Variants in MFHAS1 observed in about 807,000 individuals in gnomAD.
The protein encoded by MFHAS1 is multifunctional ROCO family signaling regulator 1.
MFHAS1 carries 50 observed loss-of-function variants against 70.4 expected under a neutral mutation model. The observed-to-expected ratio is 0.71, with a 90% CI of 0.57 to 0.90. The LOEUF (loss-of-function observed/expected upper bound fraction) is 0.90. Ranked by LOEUF, MFHAS1 falls within the 40% of genes least tolerant of loss-of-function variation. MFHAS1 has a pLI of 0.00. For missense variants in MFHAS1, 1,795 were observed against 1,347.6 expected (o/e 1.33, Z -5.20); for synonymous variants, 952 against 620.0 (o/e 1.54, Z -7.96).
Position 8,893,611 on chromosome 8 carries a change from G to A in MFHAS1, c.-553C>T, listed in dbSNP as rs1179041178. 7.5e-5 allele frequency: 11 copies of A among 146,760 alleles called. No individual in the cohort carries two copies. In the South Asian group the frequency reaches 1.9e-3, roughly 25 times the overall value. 9.1% of individuals were successfully genotyped at this position (146,760 alleles called of 1,614,324 possible). On this transcript the variant is annotated 5_prime_UTR_variant, in exon 1 of 3. Coordinates refer to ENST00000276282, the MANE Select transcript of MFHAS1 (RefSeq NM_004225.3). ...GGGCGCCGCGTCCCCGGCGCTGGGA[G>A]GGCGCGATTGGGAAGCGGCAGCGCC...
At chr8:8,843,092 G>C (rs7017006) in intron 1 of MFHAS1, among the ~76,000 whole-genome samples, 39,297 of 149,492 alleles carry the variant, frequency 0.26, 6,229 homozygotes, top group African/African-American at 0.46. Flanking sequence ...GGTGAAACCC[G>C]GTCTCTACTA....
chr8:8,861,794 C>G (rs1315168798), intron 1 of MFHAS1, among the ~76,000 whole-genome samples: 1 of 152,194 alleles, frequency 6.6e-6, no homozygotes, highest in African/African-American at 2.4e-5. Context: ...TTTGCCTTTT[C>G]TAGAACTTCA....
In MFHAS1 at chr8:8,835,228, A is replaced by T. The variant is rs1454446942; in HGVS notation, c.2999-37737T>A. Among the ~76,000 whole-genome samples the T allele has an allele frequency of 2.0e-5, 3 of 152,314 alleles. No homozygotes were observed. In the East Asian group the frequency reaches 5.8e-4, roughly 29 times the overall value. On this transcript the variant is annotated intron_variant, in intron 1 of 2. Transcript: ENST00000276282. ...CTTGATTGGGAGTGAATGCATGTCA[A>T]AACCCATAGAATCTATCACACACTT...
At position 8,891,327 on chromosome 8, in the gene MFHAS1, C is replaced by A. The variant is rs775924626; in HGVS notation, c.1732G>T (p.Glu578Ter). ...AGCTCGAAGTCCCGGGCCAGTGCCTCGTCCACCACCTTGGCCAAGCGGCTC... is the reference window on the plus strand; with the variant it reads ...AGCTCGAAGTCCCGGGCCAGTGCCTAGTCCACCACCTTGGCCAAGCGGCTC... ...GLSRLAKVVD[E>*]ALARDFELRS... The change falls in exon 1 of 3, where the codon GAG (glutamate) becomes TAG (stop). Residue 578 changes from glutamate to a stop codon, truncating the protein, a stop_gained. Coordinates refer to ENST00000276282, the MANE Select transcript of MFHAS1 (RefSeq NM_004225.3). LOFTEE classifies it high-confidence loss of function. The surrounding 1 kb of genome is among the most constrained non-coding windows in gnomAD (Gnocchi z 5.4). 1.2e-5 allele frequency: 19 copies of A among 1,611,090 alleles called. 1 individual carries two copies. The highest frequency in any genetic ancestry group is 1.6e-5 in the Non-Finnish European group (19 of 1,180,034).
chr8:8,816,546 C>T (rs1029329818), intron 1 of MFHAS1, among the ~76,000 whole-genome samples: 3 of 152,120 alleles, frequency 2.0e-5, no homozygotes, highest in Non-Finnish European at 4.4e-5. Flanking sequence ...AAGCGTGCAT[C>T]GTTCTGTGAA....
At chr8:8,880,139 C>T (rs1533100) in intron 1 of MFHAS1, among the ~76,000 whole-genome samples, 12,110 of 152,186 alleles carry the variant, frequency 0.08, 967 homozygotes, top group East Asian at 0.36. Flanking sequence ...AAGAGGATCC[C>T]CACAACCGTG....
chr8:8,818,857 C>T, intron 1 of MFHAS1, among the ~76,000 whole-genome samples: 1 of 152,318 alleles, frequency 6.6e-6, no homozygotes, highest in African/African-American at 2.4e-5. Flanking sequence ...CAATGCAGAC[C>T]TTGTTCTATA....
intron 1 of MFHAS1, among the ~76,000 whole-genome samples, chr8:8,813,927 C>A (rs1398908014): frequency 6.6e-6 from 1 of 151,668 alleles, no homozygotes; most frequent in Non-Finnish European, 1.5e-5. Context: ...CAGGTGTATA[C>A]CACATTTTTA....
chr8:8,883,823 C>CTATA (rs1200101426), intron 1 of MFHAS1, among the ~76,000 whole-genome samples: 1 of 151,892 alleles, frequency 6.6e-6, no homozygotes, highest in Admixed American at 6.6e-5. Flanking sequence ...CATTCCCCTC[C>CTATA]TATAATACAG....
intron 1 of MFHAS1, among the ~76,000 whole-genome samples, chr8:8,848,580 G>A (rs375629585): frequency 1.2e-4 from 18 of 152,066 alleles, no homozygotes; most frequent in African/African-American, 2.9e-4. Context: ...ATGAGATAAA[G>A]ACAAGCCCTT....
rs142477600 is a variant in MFHAS1, at chr8:8,790,540, T to C, written c.3126-4485A>G. ...TTGTTAAAACAGCAAGGCAAAGAGC[T>C]GCCTCACTCCTTGCATAGAACAAAA... On this transcript the variant is annotated intron_variant, in intron 2 of 2. Transcript: ENST00000276282. 805 of 212,150 alleles carry C rather than the reference T, an allele frequency of 3.8e-3. 4 individuals carry two copies. Among genetic ancestry groups the C allele is most frequent in the Non-Finnish European group, 5.4e-3 (658 of 122,874 alleles). 13.1% of individuals were successfully genotyped at this position (212,150 alleles called of 1,614,324 possible).
intron 1 of MFHAS1, among the ~76,000 whole-genome samples, chr8:8,855,698 A>C (rs1166018180): frequency 6.6e-6 from 1 of 152,064 alleles, no homozygotes; most frequent in Non-Finnish European, 1.5e-5. Flanking sequence ...TCTACTAAAA[A>C]TACAAAATTT....
intron 1 of MFHAS1, among the ~76,000 whole-genome samples, chr8:8,833,112 A>G (rs1051140189): frequency 6.6e-6 from 1 of 152,082 alleles, no homozygotes; most frequent in Non-Finnish European, 1.5e-5. Flanking sequence ...ACACACTTTT[A>G]AACAACCAGA....
At chr8:8,840,195 G>T (rs539470367) in intron 1 of MFHAS1, among the ~76,000 whole-genome samples, 2 of 152,160 alleles carry the variant, frequency 1.3e-5, no homozygotes, top group Non-Finnish European at 2.9e-5. Flanking sequence ...AGTGACTCAC[G>T]CCTGTAATCT....
intron 1 of MFHAS1, among the ~76,000 whole-genome samples, chr8:8,888,584 C>A (rs1455113858): frequency 2.6e-5 from 4 of 152,062 alleles, no homozygotes; most frequent in African/African-American, 9.7e-5. Flanking sequence ...GAAATGGACA[C>A]GTTCCCAACT....
chr8:8,843,648 G>C (rs1487822655), intron 1 of MFHAS1, among the ~76,000 whole-genome samples: 2 of 152,136 alleles, frequency 1.3e-5, no homozygotes, highest in African/African-American at 2.4e-5. Context: ...CTGTTTGGGA[G>C]AGAAAAAGAA....
chr8:8,887,746 G>C (rs527541198), intron 1 of MFHAS1, among the ~76,000 whole-genome samples: 1 of 149,950 alleles, frequency 6.7e-6, no homozygotes, highest in African/African-American at 2.4e-5. Context: ...CATTTGAAAG[G>C]CAAATAGACA....
chr8:8,816,085 TAC>T lies in MFHAS1; in HGVS notation c.2999-18596_2999-18595del, dbSNP rs1220560127. ...GAGTGCATAGTGGATGAGTCCATTA[TAC>T]AAAATTCTAGACAATGCAAGCTAAG... On this transcript the variant is annotated intron_variant, in intron 1 of 2. Coordinates refer to ENST00000276282, the MANE Select transcript of MFHAS1 (RefSeq NM_004225.3). Among the ~76,000 whole-genome samples the T allele has an allele frequency of 2.0e-5, 3 of 152,228 alleles. No individual in the cohort carries two copies. In the East Asian group the frequency reaches 5.8e-4, roughly 29 times the overall value.
rs771390561 is a variant in MFHAS1 at position 8,892,936 on chromosome 8, G to A, written c.123C>T (p.Pro41=). The A allele has an allele frequency of 1.9e-6, 3 of 1,547,286 alleles. No individual in the cohort carries two copies. The highest frequency in any genetic ancestry group is 2.6e-6 in the Non-Finnish European group (3 of 1,150,178). Residue 41 remains proline, a synonymous_variant, in exon 1 of 3, where the codon CCC becomes CCT. Transcript: ENST00000276282. The surrounding 1 kb of genome is among the most constrained non-coding windows in gnomAD (Gnocchi z 4.7). ...QLTLTAAGAC[P]GAGADALESP... ...ACTCGAGCGCGTCGGCCCCGGCCCC[G>A]GGGCAGGCCCCGGCGGCGGTAAGCG...
Sources: allele counts gnomAD v4.1 joint callset (sites outside exome capture counted in the v4.1 genomes callset), GRCh38; gene constraint gnomAD v4.1.1; non-coding constraint Gnocchi (gnomAD v3.1); transcripts MANE v1.5; gene names NCBI Gene and HGNC (gene_info 2026-07-23, HGNC 2026-07-21).